LRMDA: variants seen among roughly 807,000 people sequenced by gnomAD.
LRMDA encodes leucine rich melanocyte differentiation associated.
LRMDA carries 18 observed loss-of-function variants against 29.8 expected under a neutral mutation model. The ratio of observed to expected loss-of-function variants is 0.60; its 90% CI spans 0.42 to 0.90. LRMDA has a LOEUF of 0.90. Among genes scored for constraint, LRMDA ranks in the 40% least tolerant of loss-of-function variants. The probability of loss-of-function intolerance (pLI) is 0.00; values close to 1 mark genes in which losing one functional copy is unlikely to be tolerated. For missense variants in LRMDA, 273 were observed against 273.9 expected (o/e 1.00, Z 0.02); for synonymous variants, 125 against 109.4 (o/e 1.14, Z -0.89).
intron 6 of LRMDA, among the ~76,000 whole-genome samples, chr10:76,432,532 G>T (rs1842201822): frequency 6.6e-6 from 1 of 152,184 alleles, no homozygotes; most frequent in South Asian, 2.1e-4. Flanking sequence ...AACAAGTGGT[G>T]ACCCATCAGG....
chr10:76,341,746 C>T (rs990955602), intron 6 of LRMDA, among the ~76,000 whole-genome samples: 11 of 152,150 alleles, frequency 7.2e-5, no homozygotes, highest in Non-Finnish European at 1.3e-4. Flanking sequence ...AAGGGCCCCC[C>T]TTTCCCTGCA....
chr10:75,463,324 TAAC>T (rs949602347), intron 2 of LRMDA, among the ~76,000 whole-genome samples: 1 of 152,092 alleles, frequency 6.6e-6, no homozygotes, highest in Non-Finnish European at 1.5e-5. Flanking sequence ...ACTGAGTTTC[TAAC>T]AAGTTCCCAG....
At chr10:76,382,753 C>T (rs1477620755) in intron 6 of LRMDA, among the ~76,000 whole-genome samples, 2 of 152,150 alleles carry the variant, frequency 1.3e-5, no homozygotes, top group South Asian at 2.1e-4. Flanking sequence ...CCCCTGGGGA[C>T]AGAGTGACTT....
chr10:75,504,310 A>G (rs1317474533), intron 2 of LRMDA, among the ~76,000 whole-genome samples: 1 of 152,076 alleles, frequency 6.6e-6, no homozygotes, highest in Non-Finnish European at 1.5e-5. Context: ...GAGTGCCTCT[A>G]TGTGCCATGC....
At chr10:76,429,713 A>G (rs575587575) in intron 6 of LRMDA, among the ~76,000 whole-genome samples, 1 of 152,154 alleles carries the variant, frequency 6.6e-6, no homozygotes, top group Admixed American at 6.5e-5. Flanking sequence ...CCCCTTTCAC[A>G]GTGTCTTTCT....
At chr10:75,742,235 A>G (rs963078663) in intron 2 of LRMDA, among the ~76,000 whole-genome samples, 3 of 152,240 alleles carry the variant, frequency 2.0e-5, no homozygotes, top group Non-Finnish European at 4.4e-5. Flanking sequence ...TTGTCAGCCA[A>G]TCAAGGCATC....
chr10:76,509,687 G>A (rs1045316206), intron 6 of LRMDA, among the ~76,000 whole-genome samples: 3 of 152,208 alleles, frequency 2.0e-5, no homozygotes, highest in African/African-American at 7.2e-5. Flanking sequence ...AGATCTGACA[G>A]TAGAGATCTG....
intron 2 of LRMDA, among the ~76,000 whole-genome samples, chr10:75,957,703 T>C (rs1846688226): frequency 6.6e-6 from 1 of 151,680 alleles, no homozygotes; most frequent in South Asian, 2.1e-4. Flanking sequence ...AGCAATGGGG[T>C]TAGAGAGGGT....
At chr10:76,179,778 C>T (rs1267849207) in intron 5 of LRMDA, among the ~76,000 whole-genome samples, 4 of 152,104 alleles carry the variant, frequency 2.6e-5, no homozygotes, top group Non-Finnish European at 2.9e-5. Context: ...GTAGTGAGTC[C>T]ACTGCCTTGG....
chr10:75,563,701 G>T (rs1406618722), intron 2 of LRMDA, among the ~76,000 whole-genome samples: 1 of 152,056 alleles, frequency 6.6e-6, no homozygotes, highest in Non-Finnish European at 1.5e-5. Context: ...TGTACAGATG[G>T]ATTTTTGGTG....
chr10:75,718,484 G>T (rs1842528638), intron 2 of LRMDA, among the ~76,000 whole-genome samples: 1 of 152,228 alleles, frequency 6.6e-6, no homozygotes, highest in Non-Finnish European at 1.5e-5. Flanking sequence ...GTGGGTTAGG[G>T]ATAGATACTC....
rs188862043 is a variant in LRMDA, at chr10:76,008,112, G to A, written c.132-27896G>A. ...TAGGATTTGAAGAAGCAGGGAGGGC[G>A]GGGGCCGGGGAGAAGCCTCTGGAAA... On this transcript the variant is annotated intron_variant, in intron 2 of 6. Transcript: ENST00000611255. Among the ~76,000 whole-genome samples the A allele has an allele frequency of 6.6e-5, 10 of 152,278 alleles. 1 individual carries two copies. The highest frequency in any genetic ancestry group is 3.9e-4 in the Admixed American group (6 of 15,306).
At chr10:75,853,949 C>A (rs1844777253) in intron 2 of LRMDA, among the ~76,000 whole-genome samples, 1 of 152,160 alleles carries the variant, frequency 6.6e-6, no homozygotes, top group Admixed American at 6.5e-5. Flanking sequence ...TTCTGGAAGT[C>A]CAGGAGGGCC....
At chr10:76,055,451 C>T (rs1323887845) in intron 4 of LRMDA, among the ~76,000 whole-genome samples, 1 of 152,214 alleles carries the variant, frequency 6.6e-6, no homozygotes, top group Non-Finnish European at 1.5e-5. Context: ...GATAATGTCA[C>T]CGAATCCTTG....
chr10:75,809,512 G>A (rs1843918981), intron 2 of LRMDA, among the ~76,000 whole-genome samples: 1 of 152,082 alleles, frequency 6.6e-6, no homozygotes, highest in South Asian at 2.1e-4. Context: ...GCGTGGTGGT[G>A]TGCACCTGTA....
At chr10:76,461,247 A>C (rs80347078) in intron 6 of LRMDA, among the ~76,000 whole-genome samples, 99 of 152,238 alleles carry the variant, frequency 6.5e-4, no homozygotes, top group African/African-American at 2.3e-3. Context: ...CATGGTGTGA[A>C]ATGTCTAGGT....
intron 5 of LRMDA, among the ~76,000 whole-genome samples, chr10:76,231,889 A>T (rs1188974718): frequency 2.0e-5 from 3 of 152,206 alleles, no homozygotes; most frequent in African/African-American, 7.2e-5. Context: ...TATACAAACC[A>T]CAGGAGGGAA....
At chr10:76,118,818 A>G (rs890464413) in intron 5 of LRMDA, among the ~76,000 whole-genome samples, 6 of 151,540 alleles carry the variant, frequency 4.0e-5, no homozygotes, top group African/African-American at 1.5e-4. Flanking sequence ...CCAGCACAGA[A>G]AAATCAGCCT....
chr10:75,817,370 A>T (rs1167970001), intron 2 of LRMDA, among the ~76,000 whole-genome samples: 1 of 152,238 alleles, frequency 6.6e-6, no homozygotes, highest in Non-Finnish European at 1.5e-5. Flanking sequence ...TAGGATGATC[A>T]TCTCTGTAAC....
Sources: allele counts gnomAD v4.1 joint callset (sites outside exome capture counted in the v4.1 genomes callset), GRCh38; gene constraint gnomAD v4.1.1; transcripts MANE v1.5; gene names NCBI Gene and HGNC (gene_info 2026-07-23, HGNC 2026-07-21).